Variants in FHIT observed in about 807,000 individuals in gnomAD.
FHIT encodes the protein bis(5'-adenosyl)-triphosphatase.
A neutral mutation model predicts 17.9 loss-of-function variants in FHIT; 19 were observed. That is an observed-to-expected ratio of 1.06 (90% CI 0.74 to 1.56). FHIT has a LOEUF of 1.56. FHIT is among the 40% of genes most tolerant of loss of function. The pLI, the probability that FHIT is intolerant of heterozygous loss-of-function variation, is 0.00. For missense variants in FHIT, 248 were observed against 189.2 expected, an observed-to-expected ratio of 1.31 and a Z score of -1.82; for synonymous variants, 81 against 69.7, an observed-to-expected ratio of 1.16 and a Z score of -0.81.
rs375771477 is a variant in FHIT, at chr3:59,870,876, T to C, written c.348+51470A>G. Among the ~76,000 whole-genome samples, 170 of 147,518 alleles carry C rather than the reference T, an allele frequency of 1.2e-3. 1 individual carries two copies. The highest frequency in any genetic ancestry group is 3.9e-3 in the African/African-American group (153 of 39,728). Reference sequence around the variant, plus strand: ...AAGGGCGTGTGTGTGTGTGTGTGCGTGTGTGTGTGTGTGTGTATTTAACCT... The same window carrying C: ...AAGGGCGTGTGTGTGTGTGTGTGCGCGTGTGTGTGTGTGTGTATTTAACCT... On this transcript the variant is annotated intron_variant, in intron 8 of 9. Transcript: ENST00000492590.
intron 3 of FHIT, among the ~76,000 whole-genome samples, chr3:61,000,163 G>A (rs2030967577): frequency 6.6e-6 from 1 of 152,170 alleles, no homozygotes; most frequent in African/African-American, 2.4e-5. Flanking sequence ...TCAGTCACTG[G>A]AAGCAGGCCA....
chr3:60,915,117 T>G (rs1706936583), intron 3 of FHIT, among the ~76,000 whole-genome samples: 1 of 152,240 alleles, frequency 6.6e-6, no homozygotes, highest in East Asian at 1.9e-4. Flanking sequence ...ATTTACAAGT[T>G]GTTATTTAAC....
In FHIT at chr3:60,524,423, C is replaced by T. The variant is rs116018156; in HGVS notation, c.103+12437G>A. Reference sequence around the variant, plus strand: ...GTACATCTGGGGAATTGGCATTCCACGAAGAATAAACAGCTGCTGGTTCAA... The same window carrying T: ...GTACATCTGGGGAATTGGCATTCCATGAAGAATAAACAGCTGCTGGTTCAA... On this transcript the variant is annotated intron_variant, in intron 5 of 9. Coordinates refer to ENST00000492590, the MANE Select transcript of FHIT (RefSeq NM_002012.4). 1.3e-3 allele frequency among the ~76,000 whole-genome samples: 193 copies of T among 151,872 alleles called. 1 individual carries two copies. The highest frequency in any genetic ancestry group is 3.5e-3 in the Admixed American group (53 of 15,234).
chr3:61,242,537 C>T (rs905323879), intron 1 of FHIT, among the ~76,000 whole-genome samples: 2 of 152,196 alleles, frequency 1.3e-5, no homozygotes, highest in Admixed American at 6.5e-5. Flanking sequence ...AACCACCCAA[C>T]AGGTTCATTT....
intron 3 of FHIT, among the ~76,000 whole-genome samples, chr3:60,856,810 G>GC (rs1559774975): frequency 6.6e-6 from 1 of 151,886 alleles, no homozygotes; most frequent in Non-Finnish European, 1.5e-5. Flanking sequence ...CTTCTTCAGT[G>GC]CGTGGACCCT....
chr3:60,615,246 G>T (rs927259315), intron 4 of FHIT, among the ~76,000 whole-genome samples: 2 of 152,118 alleles, frequency 1.3e-5, no homozygotes, highest in African/African-American at 4.8e-5. Context: ...AGTGCATAAT[G>T]GTTGTTTACC....
chr3:59,784,056 C>T (rs1052339450), intron 8 of FHIT, among the ~76,000 whole-genome samples: 4 of 152,132 alleles, frequency 2.6e-5, no homozygotes, highest in Admixed American at 2.6e-4. Context: ...ACAGGTGCAA[C>T]GCTTCAGGAT....
At chr3:60,688,793 G>A (rs565873199) in intron 4 of FHIT, among the ~76,000 whole-genome samples, 17 of 152,136 alleles carry the variant, frequency 1.1e-4, no homozygotes, top group South Asian at 4.2e-4. Context: ...TTTTATTGCC[G>A]TAAATGATAT....
chr3:60,375,980 T>C (rs533706440), intron 5 of FHIT, among the ~76,000 whole-genome samples: 1 of 152,304 alleles, frequency 6.6e-6, no homozygotes, highest in African/African-American at 2.4e-5. Flanking sequence ...TTTTAATTAA[T>C]TCAAATTTAA....
chr3:60,749,755 A>G (rs1553716337), intron 4 of FHIT, among the ~76,000 whole-genome samples: 3 of 152,198 alleles, frequency 2.0e-5, no homozygotes, highest in Admixed American at 6.5e-5. Flanking sequence ...GCAACTTGGG[A>G]GTCATTTGCC....
intron 4 of FHIT, among the ~76,000 whole-genome samples, chr3:60,555,031 AT>A (rs1226946263): frequency 6.6e-6 from 1 of 152,222 alleles, no homozygotes; most frequent in Non-Finnish European, 1.5e-5. Flanking sequence ...TGACTGATAC[AT>A]TTTTTACGTA....
intron 3 of FHIT, among the ~76,000 whole-genome samples, chr3:60,930,033 C>T (rs1707861607): frequency 6.6e-6 from 1 of 152,130 alleles, no homozygotes; most frequent in Non-Finnish European, 1.5e-5. Context: ...ACCAATGGAA[C>T]AGAACAGAGC....
chr3:60,781,425 A>G (rs1553725678), intron 4 of FHIT, among the ~76,000 whole-genome samples: 1 of 152,196 alleles, frequency 6.6e-6, no homozygotes, highest in East Asian at 1.9e-4. Flanking sequence ...CATTGACAAT[A>G]TAGGACAAAT....
At chr3:60,265,802 A>G (rs1261607078) in intron 5 of FHIT, among the ~76,000 whole-genome samples, 1 of 151,956 alleles carries the variant, frequency 6.6e-6, no homozygotes, top group African/African-American at 2.4e-5. Context: ...AGATACTCAG[A>G]TGGCCAATAC....
At chr3:59,943,147 C>T (rs948783443) in intron 7 of FHIT, among the ~76,000 whole-genome samples, 2 of 152,114 alleles carry the variant, frequency 1.3e-5, no homozygotes, top group African/African-American at 4.8e-5. Context: ...AGATCTTACA[C>T]CTGACAATGG....
intron 5 of FHIT, among the ~76,000 whole-genome samples, chr3:60,399,138 T>C (rs924006755): frequency 6.6e-6 from 1 of 152,176 alleles, no homozygotes; most frequent in South Asian, 2.1e-4. Context: ...ACTAAATAAG[T>C]GGCTTAAAGT....
At chr3:60,893,601 A>C (rs1553761207) in intron 3 of FHIT, among the ~76,000 whole-genome samples, 1 of 152,178 alleles carries the variant, frequency 6.6e-6, no homozygotes, top group African/African-American at 2.4e-5. Context: ...AAGATTTGCC[A>C]CAGATGTAGG....
chr3:60,769,552 C>T (rs532591769), intron 4 of FHIT, among the ~76,000 whole-genome samples: 1 of 152,234 alleles, frequency 6.6e-6, no homozygotes, highest in Admixed American at 6.5e-5. Flanking sequence ...CGGGCAGCCC[C>T]CAGAATCACA....
At chr3:60,876,850 G>T (rs1704685055) in intron 3 of FHIT, among the ~76,000 whole-genome samples, 1 of 152,136 alleles carries the variant, frequency 6.6e-6, no homozygotes, top group South Asian at 2.1e-4. Context: ...CATCAAAGGA[G>T]TAACAGAAAC....
Sources: gnomAD v4.1 joint callset for allele counts (sites outside exome capture counted in the v4.1 genomes callset) on GRCh38, gnomAD v4.1.1 for gene constraint, MANE v1.5 for transcripts, NCBI Gene and HGNC (gene_info 2026-07-23, HGNC 2026-07-21) for gene names.